The following GALNT13 variants were observed in gnomAD, a reference collection of about 807,000 sequenced individuals.
The protein encoded by GALNT13 is UDP-GalNAc:polypeptide N-acetylgalactosaminyltransferase 13.
A neutral mutation model predicts 64.2 loss-of-function variants in GALNT13; 28 were observed. The observed-to-expected ratio is 0.44, with a 90% CI of 0.32 to 0.60. The LOEUF is 0.60. Among genes scored for constraint, GALNT13 ranks in the 20% least tolerant of loss-of-function variants. The probability of loss-of-function intolerance (pLI) is 0.05; values close to 1 mark genes in which losing one functional copy is unlikely to be tolerated. For synonymous variants in GALNT13, 214 were observed against 224.6 expected (o/e 0.95, Z 0.42); for missense variants, 577 against 669.8 (o/e 0.86, Z 1.53).
chr2:153,401,801 A>G, the GALNT13 span, among the ~76,000 whole-genome samples: 1 of 151,188 alleles, frequency 6.6e-6, no homozygotes, highest in Non-Finnish European at 1.5e-5. Flanking sequence ...CCATCCTTTT[A>G]TTTTGAGCCT....
At chr2:153,278,756 C>A in the GALNT13 span, among the ~76,000 whole-genome samples, 3 of 152,042 alleles carry the variant, frequency 2.0e-5, no homozygotes, top group African/African-American at 4.8e-5. Flanking sequence ...TTGTTTACTG[C>A]AGCTTCCGTC....
intron 9 of GALNT13, among the ~76,000 whole-genome samples, chr2:154,352,699 A>C (rs991133269): frequency 2.0e-5 from 3 of 152,202 alleles, no homozygotes; most frequent in African/African-American, 7.2e-5. Context: ...TACTATGAGA[A>C]ATGTTTCCCA....
chr2:154,359,844 G>A (rs1574156228), intron 9 of GALNT13, among the ~76,000 whole-genome samples: 1 of 152,066 alleles, frequency 6.6e-6, no homozygotes, highest in African/African-American at 2.4e-5. Context: ...TTAGATTGCT[G>A]CTCCTCAGTA....
the GALNT13 span, among the ~76,000 whole-genome samples, chr2:153,320,927 T>A: frequency 6.6e-6 from 1 of 152,142 alleles, no homozygotes; most frequent in Admixed American, 6.6e-5. Context: ...TTCTCTAACC[T>A]CCCACCTCAT....
At chr2:153,928,939 A>G (rs868553897) in intron 2 of GALNT13, among the ~76,000 whole-genome samples, 34 of 151,942 alleles carry the variant, frequency 2.2e-4, no homozygotes, top group African/African-American at 7.0e-4. Flanking sequence ...ATTTATCTCC[A>G]CCCTTATTTC....
At chr2:153,490,450 G>C in the GALNT13 span, among the ~76,000 whole-genome samples, 1 of 151,976 alleles carries the variant, frequency 6.6e-6, no homozygotes, top group Admixed American at 6.6e-5. Context: ...GCACAATCTT[G>C]GCTCAATGCA....
the GALNT13 span, among the ~76,000 whole-genome samples, chr2:153,688,175 C>T: frequency 5.9e-5 from 9 of 151,906 alleles, no homozygotes; most frequent in Non-Finnish European, 8.8e-5. Flanking sequence ...TATTCATTTA[C>T]GTATGGTCGA....
chr2:153,825,609 T>TGTGA, the GALNT13 span, among the ~76,000 whole-genome samples: 1 of 11,156 alleles, frequency 9.0e-5, no homozygotes, highest in Non-Finnish European at 2.5e-4. Flanking sequence ...CCATGAGTGC[T>TGTGA]GTGTGTGTGT....
chr2:153,990,040 G>A (rs1483921102), intron 3 of GALNT13, among the ~76,000 whole-genome samples: 2 of 152,068 alleles, frequency 1.3e-5, no homozygotes, highest in African/African-American at 4.8e-5. Flanking sequence ...GAGTCATAGA[G>A]TAACATAAGT....
the GALNT13 span, among the ~76,000 whole-genome samples, chr2:153,448,698 A>G: frequency 6.6e-6 from 1 of 151,790 alleles, no homozygotes; most frequent in East Asian, 1.9e-4. Context: ...AACCTATTCT[A>G]CCTCTCCCCC....
At chr2:153,602,147 G>T in the GALNT13 span, among the ~76,000 whole-genome samples, 1 of 151,852 alleles carries the variant, frequency 6.6e-6, no homozygotes, top group Non-Finnish European at 1.5e-5. Context: ...AAACAAAATA[G>T]CAGATAAGAA....
At chr2:153,918,669 G>A (rs918918766) in intron 2 of GALNT13, among the ~76,000 whole-genome samples, 2 of 152,054 alleles carry the variant, frequency 1.3e-5, no homozygotes, top group African/African-American at 2.4e-5. Context: ...ACAGCTATCT[G>A]TGCATGTTCT....
the GALNT13 span, among the ~76,000 whole-genome samples, chr2:153,197,559 G>A: frequency 6.6e-6 from 1 of 152,240 alleles, no homozygotes; most frequent in Non-Finnish European, 1.5e-5. Flanking sequence ...GCCAGGCCAG[G>A]CAGGCCTGTT....
intron 9 of GALNT13, among the ~76,000 whole-genome samples, chr2:154,320,395 A>G (rs1433925160): frequency 6.6e-6 from 1 of 152,196 alleles, no homozygotes; most frequent in Non-Finnish European, 1.5e-5. Flanking sequence ...ATGTATTATT[A>G]ACATGGAAGT....
chr2:153,506,417 A>G, the GALNT13 span, among the ~76,000 whole-genome samples: 2 of 151,798 alleles, frequency 1.3e-5, no homozygotes, highest in African/African-American at 4.8e-5. Flanking sequence ...TTTTCATTGT[A>G]TTATTGTTTT....
chr2:154,153,140 C>G (rs1048324875), intron 4 of GALNT13, among the ~76,000 whole-genome samples: 1 of 152,164 alleles, frequency 6.6e-6, no homozygotes, highest in Admixed American at 6.5e-5. Context: ...TGTTAGTTTT[C>G]CTTCTAACAG....
At chr2:154,361,250 C>CAT (rs1174324593) in intron 9 of GALNT13, among the ~76,000 whole-genome samples, 1 of 151,982 alleles carries the variant, frequency 6.6e-6, no homozygotes, top group Non-Finnish European at 1.5e-5. Context: ...ATGATGTATC[C>CAT]ATATACGGTT....
At chr2:153,661,681 A>C in the GALNT13 span, among the ~76,000 whole-genome samples, 1 of 152,200 alleles carries the variant, frequency 6.6e-6, no homozygotes, top group Non-Finnish European at 1.5e-5. Flanking sequence ...AAAAGAGATG[A>C]TGCAAATGAG....
chr2:153,815,476 C>T, the GALNT13 span, among the ~76,000 whole-genome samples: 8 of 152,260 alleles, frequency 5.3e-5, no homozygotes, highest in South Asian at 4.1e-4. Context: ...GAAATATGCA[C>T]GTCTTCAGAT....
Sources: gnomAD v4.1 joint callset for allele counts (sites outside exome capture counted in the v4.1 genomes callset) on GRCh38, gnomAD v4.1.1 for gene constraint, MANE v1.5 for transcripts, NCBI Gene and HGNC (gene_info 2026-07-23, HGNC 2026-07-21) for gene names.